Variants in TM6SF1 observed in about 807,000 individuals in gnomAD.
TM6SF1 encodes transmembrane 6 superfamily member 1.
In TM6SF1, 43 loss-of-function variants were observed where a neutral mutation model predicts 47.1. That is an observed-to-expected ratio of 0.91 (90% CI 0.72 to 1.18). The LOEUF (loss-of-function observed/expected upper bound fraction) is 1.18. Among genes scored for constraint, TM6SF1 ranks in the 50% most tolerant of loss-of-function variants. The pLI is 0.00. For synonymous variants in TM6SF1, 177 were observed against 166.3 expected, an observed-to-expected ratio of 1.06 and a Z score of -0.49; for missense variants, 390 against 449.0, an observed-to-expected ratio of 0.87 and a Z score of 1.19.
chr15:83,127,530 T>C lies in TM6SF1; in HGVS notation c.921+53T>C. 2.5e-6 allele frequency: 4 copies of C among 1,601,934 alleles called. No homozygotes were observed. In the South Asian group the frequency reaches 3.4e-5, roughly 13 times the overall value. On this transcript the variant is annotated intron_variant, in intron 9 of 9. Coordinates refer to ENST00000322019, the MANE Select transcript of TM6SF1 (RefSeq NM_023003.5). ...TTACTTGTGGTCTAGGTGTCAATTG[T>C]TGAATATATGAAAAACTTCTCTGCT...
At chr15:83,113,833 T>A (rs1174749496) in intron 2 of TM6SF1, 1 of 152,248 alleles carries the variant, frequency 6.6e-6, no homozygotes, top group African/African-American at 2.4e-5. Context: ...TGCCCCATCT[T>A]ACTCCCACCC....
chr15:83,122,717 T>A (rs754549144), intron 5 of TM6SF1, 40 bp from the exon 6 acceptor site: 1 of 1,605,266 alleles, frequency 6.2e-7, no homozygotes, highest in East Asian at 2.2e-5. Flanking sequence ...GTGTTAGATA[T>A]GCTTTTGGTA....
chr15:83,107,761 G>C lies in TM6SF1; in HGVS notation c.81G>C (p.Ala27=). The change falls in exon 1 of 10, where the codon GCG becomes GCC. Residue 27 remains alanine, a synonymous_variant. Transcript: ENST00000322019. The surrounding 1 kb of genome is among the most constrained non-coding windows in gnomAD (Gnocchi z 5.6). ...IPVTYVFNHL[A]AQHDSWTIVG... is the part of the protein sequence containing the mutation. ...TCACCTATGTCTTCAACCACCTGGC[G>C]GCCCAGCATGAGTGAGTGAGCCGGC... The C allele has an allele frequency of 1.3e-6, 2 of 1,581,928 alleles. No homozygotes were observed. The highest frequency in any genetic ancestry group is 1.7e-6 in the Non-Finnish European group (2 of 1,165,592).
At chr15:83,120,709 TCACTATA>T (rs1203195840) in intron 4 of TM6SF1, among the ~76,000 whole-genome samples, 1 of 151,430 alleles carries the variant, frequency 6.6e-6, no homozygotes, top group Non-Finnish European at 1.5e-5. Flanking sequence ...CAGGCGTGTG[TCACTATA>T]CCCGCAAATT....
At chr15:83,121,133 C>T (rs537902940) in intron 4 of TM6SF1, among the ~76,000 whole-genome samples, 76 of 151,770 alleles carry the variant, frequency 5.0e-4, no homozygotes, top group African/African-American at 1.8e-3. Flanking sequence ...TGCAGTGGTG[C>T]GATCTTGGCT....
intron 1 of TM6SF1, chr15:83,111,480 C>T (rs1458316311): frequency 1.2e-5 from 3 of 255,622 alleles, no homozygotes; most frequent in Non-Finnish European, 1.8e-5. Context: ...ATCCATCCAA[C>T]CATTCACCCA....
chr15:83,119,943 T>G (rs1388141796), intron 4 of TM6SF1: 1 of 385,814 alleles, frequency 2.6e-6, no homozygotes, highest in Non-Finnish European at 4.6e-6. Context: ...AAGAATAATT[T>G]TTATTTTCAG....
chr15:83,133,723 T>C (rs2036422069), intron 9 of TM6SF1: 1 of 152,280 alleles, frequency 6.6e-6, no homozygotes, highest in Non-Finnish European at 1.5e-5. Context: ...TGAGAGGCCT[T>C]GTGCTGCTGG....
At chr15:83,136,344 T>G in intron 9 of TM6SF1, 137 bp from the exon 10 acceptor site, 1 of 567,564 alleles carries the variant, frequency 1.8e-6, no homozygotes, top group East Asian at 3.0e-5. Flanking sequence ...TCTGGATTGT[T>G]TGAAGGTATT....
Position 83,122,283 on chromosome 15 carries a change from G to A in TM6SF1, c.481+280G>A, listed in dbSNP as rs140224023. On this transcript the variant is annotated intron_variant, in intron 5 of 9. Transcript: ENST00000322019. ...TGAGGGAGTGAGTATGGTGTTTATG[G>A]CTATATTTAGTGTGCAAATATGTTA... 2.8e-3 allele frequency among the ~76,000 whole-genome samples: 423 copies of A among 152,124 alleles called. 3 individuals carry two copies. Among genetic ancestry groups the A allele is most frequent in the Middle Eastern group, 0.017 (5 of 294 alleles).
chr15:83,127,841 TC>T, intron 9 of TM6SF1: 1 of 261,770 alleles, frequency 3.8e-6, no homozygotes, highest in Non-Finnish European at 7.3e-6. Context: ...CTTCAAAATG[TC>T]CATCCAAATT....
intron 9 of TM6SF1, chr15:83,131,742 A>G (rs1237618011): frequency 1.3e-5 from 2 of 152,232 alleles, no homozygotes; most frequent in Non-Finnish European, 2.9e-5. Context: ...GAAAGAGTAA[A>G]AGAAGATTGA....
intron 6 of TM6SF1, among the ~76,000 whole-genome samples, chr15:83,123,881 T>C (rs909919543): frequency 2.6e-5 from 4 of 152,260 alleles, no homozygotes; most frequent in Admixed American, 1.3e-4. Context: ...CAAGCAGGCA[T>C]TGTCATACAG....
intron 9 of TM6SF1, chr15:83,128,830 CT>C (rs568609125): frequency 4.0e-4 from 59 of 148,998 alleles, no homozygotes; most frequent in African/African-American, 9.1e-4. Flanking sequence ...CCACTAAGTC[CT>C]TTTTTTTTTC....
chr15:83,133,575 T>C (rs919582357), intron 9 of TM6SF1: 6 of 152,196 alleles, frequency 3.9e-5, no homozygotes, highest in African/African-American at 7.2e-5. Context: ...CAACCTCACA[T>C]TGCTAAATTC....
intron 7 of TM6SF1, among the ~76,000 whole-genome samples, chr15:83,125,907 G>A (rs754784061): frequency 1.3e-5 from 2 of 152,194 alleles, no homozygotes; most frequent in Non-Finnish European, 2.9e-5. Flanking sequence ...GGGGCATGGG[G>A]AAGAGAAGTA....
At chr15:83,127,512 T>G in intron 9 of TM6SF1, 35 bp downstream of exon 9, 1 of 1,609,790 alleles carries the variant, frequency 6.2e-7, no homozygotes, top group East Asian at 2.2e-5. Context: ...GGTTTACTTG[T>G]GGTCTAGGTG....
At chr15:83,120,852 CACCGTGCCCGG>C in intron 4 of TM6SF1, among the ~76,000 whole-genome samples, 1 of 151,816 alleles carries the variant, frequency 6.6e-6, no homozygotes, top group East Asian at 1.9e-4. Context: ...AGGCGTGAAC[CACCGTGCCCGG>C]CTCCAGCTCA....
Position 83,107,686 on chromosome 15 carries a change from T to C in TM6SF1, c.6T>C (p.Ser2=). The change falls in exon 1 of 10, where the codon AGT becomes AGC. Residue 2 remains serine, a synonymous_variant. Transcript: ENST00000322019. This position sits in a 1 kb window ranked among gnomAD's most constrained non-coding sequence, Gnocchi z 5.6. M[S]ASAATGVFVL... ...CGAGCGGCGCGGCGGCTGCGATGAG[T>C]GCCTCTGCGGCCACCGGGGTCTTCG... 6.4e-7 allele frequency: 1 copy of C among 1,552,134 alleles called. No homozygotes were observed.
Sources: gnomAD v4.1 joint callset for allele counts (sites outside exome capture counted in the v4.1 genomes callset) on GRCh38, gnomAD v4.1.1 for gene constraint, Gnocchi (gnomAD v3.1) non-coding constraint, MANE v1.5 for transcripts, NCBI Gene and HGNC (gene_info 2026-07-23, HGNC 2026-07-21) for gene names.